The following DIP2C variants were observed in gnomAD, a reference collection of about 807,000 sequenced individuals.
DIP2C encodes the protein disco-interacting protein 2 homolog C.
Under a neutral mutation model 192.4 loss-of-function variants are expected in DIP2C, and 33 were observed. The ratio of observed to expected loss-of-function variants is 0.17; its 90% CI spans 0.13 to 0.23. The LOEUF (loss-of-function observed/expected upper bound fraction) is 0.23. Among genes scored for constraint, DIP2C ranks in the 10% least tolerant of loss-of-function variants. DIP2C has a pLI of 1.00. For synonymous variants in DIP2C, 979 were observed against 864.1 expected, an observed-to-expected ratio of 1.13 and a Z score of -2.33; for missense variants, 1,537 against 2,110.1, an observed-to-expected ratio of 0.73 and a Z score of 5.32.
At chr10:593,118 G>A (rs891996239) in intron 1 of DIP2C, among the ~76,000 whole-genome samples, 19 of 152,064 alleles carry the variant, frequency 1.2e-4, no homozygotes, top group Admixed American at 4.6e-4. Flanking sequence ...AGCACTGAGA[G>A]GCAGTCCCCA....
At chr10:384,910 CTCAGGGAGCGCCGCGGACA>C (rs1962746685) in intron 14 of DIP2C, among the ~76,000 whole-genome samples, 1 of 152,054 alleles carries the variant, frequency 6.6e-6, no homozygotes, top group African/African-American at 2.4e-5. Flanking sequence ...AGAAGCAGCT[CTCAGGGAGCGCCGCGGACA>C]CCAGGCTGCA....
At chr10:663,341 G>C (rs983258430) in intron 1 of DIP2C, 9 of 164,068 alleles carry the variant, frequency 5.5e-5, no homozygotes, top group African/African-American at 9.5e-5. Context: ...AACAGGGACA[G>C]TAGCTGCCCT....
intron 1 of DIP2C, among the ~76,000 whole-genome samples, chr10:502,991 C>T (rs991296745): frequency 1.3e-5 from 2 of 151,602 alleles, no homozygotes; most frequent in Non-Finnish European, 1.5e-5. Flanking sequence ...AGGACACCGA[C>T]CTGCAGACTT....
At chr10:606,720 T>TA (rs1852512604) in intron 1 of DIP2C, among the ~76,000 whole-genome samples, 1 of 152,240 alleles carries the variant, frequency 6.6e-6, no homozygotes, top group South Asian at 2.1e-4. Context: ...TGCTGCCTCC[T>TA]TGCAAACAAC....
chr10:552,787 T>A (rs1848651835), intron 1 of DIP2C, among the ~76,000 whole-genome samples: 1 of 152,182 alleles, frequency 6.6e-6, no homozygotes, highest in Non-Finnish European at 1.5e-5. Flanking sequence ...AGGCGGAGCT[T>A]GCACTGAGCC....
intron 1 of DIP2C, among the ~76,000 whole-genome samples, chr10:515,019 G>A (rs949632129): frequency 6.6e-6 from 1 of 152,182 alleles, no homozygotes; most frequent in Admixed American, 6.5e-5. Flanking sequence ...CCCACCTGGT[G>A]AGCAGGCAGA....
intron 9 of DIP2C, among the ~76,000 whole-genome samples, chr10:401,330 G>A (rs1964423389): frequency 6.6e-6 from 1 of 151,708 alleles, no homozygotes. Flanking sequence ...ATCAGCACAT[G>A]AATCCTATGA....
chr10:588,384 T>TCTCC (rs1193087741), intron 1 of DIP2C, among the ~76,000 whole-genome samples: 5 of 152,232 alleles, frequency 3.3e-5, no homozygotes, highest in African/African-American at 4.8e-5. Context: ...AATCTTGTCA[T>TCTCC]CAACTGTCTT....
chr10:629,552 G>A lies in DIP2C; in HGVS notation c.85+59942C>T, dbSNP rs149407570. ...GGGGAAGGAAGCCCTCACTCTCAGA[G>A]TGGAGACCACAGCCTCCAGCAGGCC... On this transcript the variant is annotated intron_variant, in intron 1 of 36. Coordinates refer to ENST00000280886, the MANE Select transcript of DIP2C (RefSeq NM_014974.3). Among the ~76,000 whole-genome samples the A allele has an allele frequency of 5.9e-3, 896 of 152,354 alleles. 10 individuals carry two copies. Among genetic ancestry groups the A allele is most frequent in the African/African-American group, 0.02 (846 of 41,582 alleles).
chr10:554,504 T>G (rs1158052759), intron 1 of DIP2C, among the ~76,000 whole-genome samples: 1 of 152,240 alleles, frequency 6.6e-6, no homozygotes, highest in African/African-American at 2.4e-5. Context: ...TTATAAGTTA[T>G]AAAATAACTT....
At chr10:392,610 A>G (rs1284831010) in intron 10 of DIP2C, among the ~76,000 whole-genome samples, 2 of 152,200 alleles carry the variant, frequency 1.3e-5, no homozygotes, top group Non-Finnish European at 2.9e-5. Context: ...AGCTCTGCCC[A>G]GCCCTGGCCA....
At chr10:369,462 G>A (rs1960694955) in intron 18 of DIP2C, 32 bp downstream of exon 18, 1 of 1,496,776 alleles carries the variant, frequency 6.7e-7, no homozygotes, top group Admixed American at 2.3e-5. Flanking sequence ...TTAATAACTG[G>A]TTAATCTGTG....
At position 652,987 on chromosome 10, in the gene DIP2C, C is replaced by A. The variant is rs1171935386; in HGVS notation, c.85+36507G>T. 2.6e-5 allele frequency among the ~76,000 whole-genome samples: 4 copies of A among 152,090 alleles called. No individual in the cohort carries two copies. Among genetic ancestry groups the A allele is most frequent in the Non-Finnish European group, 5.9e-5 (4 of 68,020 alleles). ...GGCATCTCAAGGTGCCCCACGTCCC[C>A]AAAGACCAAGGGGTCACAGCTCCAC... On this transcript the variant is annotated intron_variant, in intron 1 of 36. Coordinates refer to ENST00000280886, the MANE Select transcript of DIP2C (RefSeq NM_014974.3). This position sits in a 1 kb window ranked among gnomAD's most constrained non-coding sequence, Gnocchi z 4.5.
intron 1 of DIP2C, among the ~76,000 whole-genome samples, chr10:502,734 T>G (rs997446493): frequency 6.6e-5 from 10 of 152,166 alleles, no homozygotes; most frequent in Non-Finnish European, 1.5e-4. Context: ...TTACAGTAGC[T>G]GTATAAAAAA....
intron 32 of DIP2C, among the ~76,000 whole-genome samples, chr10:294,230 G>C (rs1955636484): frequency 4.6e-5 from 7 of 152,098 alleles, no homozygotes; most frequent in Admixed American, 4.6e-4. Flanking sequence ...AAGGCCAGAT[G>C]GGTTCCAAGT....
At chr10:545,100 A>G (rs138760632) in intron 1 of DIP2C, among the ~76,000 whole-genome samples, 2 of 151,130 alleles carry the variant, frequency 1.3e-5, no homozygotes, top group African/African-American at 4.9e-5. Context: ...AGGGCCTTTA[A>G]CGTGACAATT....
intron 13 of DIP2C, 118 bp downstream of exon 13, chr10:389,873 C>T (rs1037645231): frequency 2.5e-5 from 20 of 786,554 alleles, no homozygotes; most frequent in African/African-American, 1.9e-4. Context: ...TTCATGTCAG[C>T]GGAGCTGGGC....
intron 1 of DIP2C, among the ~76,000 whole-genome samples, chr10:632,371 A>G (rs1854571094): frequency 6.6e-6 from 1 of 151,518 alleles, no homozygotes; most frequent in African/African-American, 2.4e-5. Context: ...CCGTAACTGG[A>G]GACCATGCGG....
At position 632,088 on chromosome 10, in the gene DIP2C, G is replaced by A. The variant is rs564799596; in HGVS notation, c.85+57406C>T. Among the ~76,000 whole-genome samples the A allele has an allele frequency of 3.3e-5, 5 of 152,322 alleles. No homozygotes were observed. The East Asian group carries it at 9.6e-4, about 29-fold the overall frequency. ...CACGATTATTTTATGAAAGAAAAGC[G>A]AAATTCATAAAAGAGACCATGTGAT... On this transcript the variant is annotated intron_variant, in intron 1 of 36. Transcript: ENST00000280886.
Sources: gnomAD v4.1 joint callset for allele counts (sites outside exome capture counted in the v4.1 genomes callset) on GRCh38, gnomAD v4.1.1 for gene constraint, Gnocchi (gnomAD v3.1) non-coding constraint, MANE v1.5 for transcripts, NCBI Gene and HGNC (gene_info 2026-07-23, HGNC 2026-07-21) for gene names.